Variants in ARAP2 observed in about 807,000 individuals in gnomAD.
ARAP2 encodes the protein ArfGAP with RhoGAP domain, ankyrin repeat and PH domain 2.
ARAP2 carries 148 observed loss-of-function variants against 194.5 expected under a neutral mutation model. The ratio of observed to expected loss-of-function variants is 0.76; its 90% CI spans 0.67 to 0.87. The LOEUF is 0.87. Ranked by LOEUF, ARAP2 falls within the 40% of genes least tolerant of loss-of-function variation. ARAP2 has a pLI of 0.00. For missense variants in ARAP2, 2,128 were observed against 1,989.7 expected (o/e 1.07, Z -1.32); for synonymous variants, 695 against 683.5 (o/e 1.02, Z -0.26).
chr4:36,107,401 C>T (rs1332968519), intron 27 of ARAP2, among the ~76,000 whole-genome samples, 164 bp downstream of exon 27: 1 of 152,056 alleles, frequency 6.6e-6, no homozygotes, highest in Non-Finnish European at 1.5e-5. Flanking sequence ...GGGAAAATAT[C>T]TTCCTGTCCA....
intron 6 of ARAP2, among the ~76,000 whole-genome samples, chr4:36,017,780 T>A (rs1418965880): frequency 2.6e-5 from 4 of 151,940 alleles, no homozygotes; most frequent in African/African-American, 7.3e-5. Flanking sequence ...GAGACCTTTG[T>A]GTGTATACTT....
chr4:36,039,224 A>G (rs1297590403), intron 5 of ARAP2, among the ~76,000 whole-genome samples: 1 of 152,204 alleles, frequency 6.6e-6, no homozygotes, highest in Non-Finnish European at 1.5e-5. Flanking sequence ...TCTTAGTCAC[A>G]TGCAGAAAAA....
intron 2 of ARAP2, among the ~76,000 whole-genome samples, chr4:36,215,322 C>T (rs764230228): frequency 1.7e-4 from 26 of 152,056 alleles, no homozygotes; most frequent in Admixed American, 9.8e-4. Flanking sequence ...AAAAAAGTTC[C>T]GAAGAAATGC....
chr4:36,148,516 T>G lies in ARAP2; in HGVS notation c.2898-9A>C. ...CAAAGATAAAGATGGGCCTAAAACA[T>G]GCACAAATAAAAAGATACTACCAGT... On this transcript the variant is annotated splice_polypyrimidine_tract_variant and intron_variant, in intron 16 of 32. Coordinates refer to ENST00000303965, the MANE Select transcript of ARAP2 (RefSeq NM_015230.4). 6.2e-7 allele frequency: 1 copy of G among 1,601,276 alleles called. No individual in the cohort carries two copies. Among genetic ancestry groups the G allele is most frequent in the East Asian group, 2.2e-5 (1 of 44,710 alleles).
intron 19 of ARAP2, among the ~76,000 whole-genome samples, chr4:36,140,361 TTTTC>T (rs1728014363): frequency 6.6e-6 from 1 of 151,794 alleles, no homozygotes; most frequent in Non-Finnish European, 1.5e-5. Context: ...TTCTTCATAA[TTTTC>T]TTTAACATAA....
intron 13 of ARAP2, 108 bp downstream of exon 13, chr4:36,160,346 AAAATT>A (rs1733625895): frequency 7.9e-7 from 1 of 1,267,776 alleles, no homozygotes; most frequent in South Asian, 2.4e-5. Flanking sequence ...GAAATAAAAT[AAAATT>A]AATAATTTTG....
At chr4:36,196,807 C>T (rs1007471138) in intron 6 of ARAP2, among the ~76,000 whole-genome samples, 16 of 151,806 alleles carry the variant, frequency 1.1e-4, no homozygotes, top group African/African-American at 3.6e-4. Flanking sequence ...ACTCTCTGGC[C>T]GCACTGCCTC....
At chr4:36,238,616 A>C (rs564581489) in intron 1 of ARAP2, among the ~76,000 whole-genome samples, 1 of 152,328 alleles carries the variant, frequency 6.6e-6, no homozygotes, top group South Asian at 2.1e-4. Context: ...TTGCAAATTC[A>C]AGTTTTATAC....
chr4:36,237,678 C>T (rs1287960203), intron 1 of ARAP2, among the ~76,000 whole-genome samples: 3 of 152,204 alleles, frequency 2.0e-5, no homozygotes, highest in African/African-American at 7.2e-5. Flanking sequence ...CAGCTCCATG[C>T]TTGTACAGCC....
At chr4:36,116,393 C>T (rs986534484) in intron 25 of ARAP2, among the ~76,000 whole-genome samples, 5 of 151,786 alleles carry the variant, frequency 3.3e-5, no homozygotes, top group African/African-American at 7.3e-5. Context: ...TACCAAATAG[C>T]GACCTGAAAT....
intron 9 of ARAP2, among the ~76,000 whole-genome samples, chr4:36,009,011 C>A (rs1217336457): frequency 6.6e-6 from 1 of 152,032 alleles, no homozygotes; most frequent in Non-Finnish European, 1.5e-5. Context: ...CATCTCAAAC[C>A]AACAAGAATG....
intron 5 of ARAP2, among the ~76,000 whole-genome samples, chr4:36,044,008 A>G (rs1170389290): frequency 6.6e-6 from 1 of 152,120 alleles, no homozygotes; most frequent in Non-Finnish European, 1.5e-5. Context: ...ATTTGAGGTA[A>G]TGCTTCTGGA....
At chr4:36,167,980 T>G (rs1334230475) in intron 9 of ARAP2, among the ~76,000 whole-genome samples, 1 of 139,126 alleles carries the variant, frequency 7.2e-6, no homozygotes, top group African/African-American at 2.7e-5. Context: ...AAATTATGAC[T>G]AAAGAAAAGT....
chr4:36,232,392 T>C (rs962657439), intron 1 of ARAP2, among the ~76,000 whole-genome samples: 6 of 152,214 alleles, frequency 3.9e-5, no homozygotes, highest in African/African-American at 7.2e-5. Flanking sequence ...TATGCTGATA[T>C]TGCTTATAGT....
chr4:36,025,585 C>T (rs1415116886), intron 5 of ARAP2, among the ~76,000 whole-genome samples: 1 of 152,006 alleles, frequency 6.6e-6, no homozygotes, highest in Non-Finnish European at 1.5e-5. Context: ...CGTTCAATCT[C>T]AATTTTTGGA....
intron 24 of ARAP2, among the ~76,000 whole-genome samples, chr4:36,118,663 T>A (rs916397984): frequency 1.3e-5 from 2 of 151,354 alleles, no homozygotes; most frequent in Non-Finnish European, 3.0e-5. Flanking sequence ...CCTCACACAA[T>A]CCTTTATTTC....
At chr4:36,244,779 G>C (rs1396400155), upstream of ARAP2, among the ~76,000 whole-genome samples, 3 of 152,174 alleles carry the variant, frequency 2.0e-5, no homozygotes, top group Non-Finnish European at 4.4e-5. Context: ...AGATGCCCAG[G>C]ACCTTGTGTT....
chr4:36,190,916 A>T (rs1324851461), intron 7 of ARAP2, among the ~76,000 whole-genome samples: 1 of 152,244 alleles, frequency 6.6e-6, no homozygotes, highest in Non-Finnish European at 1.5e-5. Context: ...TATAAATCCA[A>T]GTAGGTTAAA....
intron 3 of ARAP2, among the ~76,000 whole-genome samples, chr4:36,047,647 G>A (rs191732358): frequency 6.6e-6 from 1 of 152,014 alleles, no homozygotes; most frequent in African/African-American, 2.4e-5. Flanking sequence ...TTATTCCTGA[G>A]GTTACCACTT....
Sources: allele counts gnomAD v4.1 joint callset (sites outside exome capture counted in the v4.1 genomes callset), GRCh38; gene constraint gnomAD v4.1.1; transcripts MANE v1.5; gene names NCBI Gene and HGNC (gene_info 2026-07-23, HGNC 2026-07-21).